Variants in PPP1R12B observed in about 807,000 individuals in gnomAD.
PPP1R12B encodes the protein myosin phosphatase target subunit 2.
Under a neutral mutation model 126.1 loss-of-function variants are expected in PPP1R12B, and 76 were observed. That is an observed-to-expected ratio of 0.60 (90% CI 0.50 to 0.73). The LOEUF (loss-of-function observed/expected upper bound fraction) is 0.73, where lower values mean the gene tolerates loss of function less well. Among genes scored for constraint, PPP1R12B ranks in the 30% least tolerant of loss-of-function variants. The pLI is 0.00. For missense variants in PPP1R12B, 1,052 were observed against 1,205.1 expected (o/e 0.87, Z 1.88); for synonymous variants, 356 against 434.7 (o/e 0.82, Z 2.25).
At chr1:202,570,971 T>A (rs1462444000) in intron 23 of PPP1R12B, among the ~76,000 whole-genome samples, 1 of 152,166 alleles carries the variant, frequency 6.6e-6, no homozygotes, top group Non-Finnish European at 1.5e-5. Context: ...TAAATGCTGA[T>A]CTAGAGCATG....
At chr1:202,577,411 C>T (rs184639307) in intron 23 of PPP1R12B, among the ~76,000 whole-genome samples, 79 of 152,292 alleles carry the variant, frequency 5.2e-4, no homozygotes, top group Non-Finnish European at 5.9e-5. Context: ...TGTGCTACAA[C>T]AGCAGAGCTG....
chr1:202,561,830 T>C (rs1220766496), intron 19 of PPP1R12B, among the ~76,000 whole-genome samples: 1 of 152,212 alleles, frequency 6.6e-6, no homozygotes, highest in African/African-American at 2.4e-5. Flanking sequence ...TCCTTATTGC[T>C]TCTCTATCTC....
At chr1:202,511,471 C>G (rs2148895077) in intron 18 of PPP1R12B, among the ~76,000 whole-genome samples, 1 of 152,186 alleles carries the variant, frequency 6.6e-6, no homozygotes, top group East Asian at 1.9e-4. Flanking sequence ...CCTGCCTCAG[C>G]CTCCCAAAGT....
intron 18 of PPP1R12B, among the ~76,000 whole-genome samples, chr1:202,553,543 G>T (rs697458): frequency 0.031 from 4,654 of 152,276 alleles, 191 homozygotes; most frequent in African/African-American, 0.096. Flanking sequence ...ATCATCATGT[G>T]CAGATAAGCT....
chr1:202,460,923 G>T (rs1674232465), intron 13 of PPP1R12B, among the ~76,000 whole-genome samples: 3 of 152,108 alleles, frequency 2.0e-5, no homozygotes, highest in Admixed American at 2.0e-4. Context: ...AGTGTCATAT[G>T]GCACCTCTAT....
At chr1:202,486,126 C>A (rs1010584930) in intron 13 of PPP1R12B, among the ~76,000 whole-genome samples, 3 of 152,184 alleles carry the variant, frequency 2.0e-5, no homozygotes, top group African/African-American at 7.2e-5. Context: ...AAGCCAGCTA[C>A]CCGCCTGGGC....
At chr1:202,423,991 G>A (rs765647587) in intron 3 of PPP1R12B, among the ~76,000 whole-genome samples, 2 of 152,056 alleles carry the variant, frequency 1.3e-5, no homozygotes, top group African/African-American at 2.4e-5. Flanking sequence ...GGCTTTGTGC[G>A]CTATTGAATT....
At chr1:202,413,313 C>G (rs1355046689) in intron 1 of PPP1R12B, among the ~76,000 whole-genome samples, 1 of 151,978 alleles carries the variant, frequency 6.6e-6, no homozygotes, top group Non-Finnish European at 1.5e-5. Context: ...TCATTCATCC[C>G]CTTCTAGGCA....
intron 13 of PPP1R12B, among the ~76,000 whole-genome samples, chr1:202,460,140 T>G (rs992756605): frequency 1.3e-5 from 2 of 152,268 alleles, no homozygotes; most frequent in Non-Finnish European, 2.9e-5. Flanking sequence ...GCTTTTTCTC[T>G]CTCACCCAAC....
chr1:202,456,807 G>A (rs1673701099), intron 13 of PPP1R12B, among the ~76,000 whole-genome samples: 1 of 152,098 alleles, frequency 6.6e-6, no homozygotes, highest in Admixed American at 6.5e-5. Flanking sequence ...CTGGGGCCCT[G>A]GCACAAGTAA....
intron 18 of PPP1R12B, among the ~76,000 whole-genome samples, chr1:202,519,567 T>A (rs1326006411): frequency 6.6e-6 from 1 of 152,168 alleles, no homozygotes; most frequent in Non-Finnish European, 1.5e-5. Context: ...CCACTGTGCC[T>A]GGCCTCAATT....
chr1:202,365,477 A>C (rs1659057557), intron 1 of PPP1R12B, among the ~76,000 whole-genome samples: 1 of 152,116 alleles, frequency 6.6e-6, no homozygotes, highest in Non-Finnish European at 1.5e-5. Context: ...GCTTTATACC[A>C]AGTGTTGCTA....
At chr1:202,363,605 C>T (rs1188204058) in intron 1 of PPP1R12B, among the ~76,000 whole-genome samples, 1 of 152,178 alleles carries the variant, frequency 6.6e-6, no homozygotes, top group Non-Finnish European at 1.5e-5. Context: ...GGGACCACCA[C>T]TAGGGTGAAA....
intron 18 of PPP1R12B, among the ~76,000 whole-genome samples, chr1:202,511,151 C>T (rs189694960): frequency 9.6e-4 from 144 of 149,344 alleles, no homozygotes; most frequent in African/African-American, 3.3e-3. Context: ...TGAATAAATT[C>T]TTTGATGGCG....
chr1:202,390,088 G>A (rs1558166088), intron 1 of PPP1R12B, among the ~76,000 whole-genome samples: 1 of 152,174 alleles, frequency 6.6e-6, no homozygotes, highest in South Asian at 2.1e-4. Context: ...CACAAAGGTA[G>A]ACAAGTACAT....
chr1:202,359,145 A>AT (rs532628465), intron 1 of PPP1R12B, among the ~76,000 whole-genome samples: 439 of 148,536 alleles, frequency 3.0e-3, no homozygotes, highest in Non-Finnish European at 3.5e-3. Context: ...ATATCACATA[A>AT]TTTTTTTTTT....
intron 13 of PPP1R12B, among the ~76,000 whole-genome samples, chr1:202,479,052 G>A (rs944751736): frequency 6.6e-6 from 1 of 152,154 alleles, no homozygotes; most frequent in Admixed American, 6.5e-5. Context: ...AGAAATTCAT[G>A]GGAAGTTAGT....
At chr1:202,364,148 A>G (rs1023122835) in intron 1 of PPP1R12B, among the ~76,000 whole-genome samples, 1 of 152,122 alleles carries the variant, frequency 6.6e-6, no homozygotes, top group African/African-American at 2.4e-5. Context: ...ATATAATGAA[A>G]TGTTCTATTT....
intron 13 of PPP1R12B, among the ~76,000 whole-genome samples, chr1:202,486,380 G>C (rs573399054): frequency 6.6e-6 from 1 of 152,146 alleles, no homozygotes; most frequent in African/African-American, 2.4e-5. Flanking sequence ...TATTCTAAGG[G>C]TATTGTTAAC....
Sources: allele counts gnomAD v4.1 joint callset (sites outside exome capture counted in the v4.1 genomes callset), GRCh38; gene constraint gnomAD v4.1.1; transcripts MANE v1.5; gene names NCBI Gene and HGNC (gene_info 2026-07-23, HGNC 2026-07-21).